NRXN1: variants seen among roughly 807,000 people sequenced by gnomAD.
The protein encoded by NRXN1 is neurexin 1.
A neutral mutation model predicts 150.9 loss-of-function variants in NRXN1; 39 were observed. The observed-to-expected ratio is 0.26, with a 90% CI of 0.20 to 0.34. The LOEUF (loss-of-function observed/expected upper bound fraction) is 0.34. Among genes scored for constraint, NRXN1 ranks in the 10% least tolerant of loss-of-function variants. The pLI is 1.00. For missense variants in NRXN1, 1,815 were observed against 1,949.9 expected, an observed-to-expected ratio of 0.93 and a Z score of 1.30; for synonymous variants, 924 against 757.0, an observed-to-expected ratio of 1.22 and a Z score of -3.62.
chr2:50,241,069 T>A (rs1213577682), intron 17 of NRXN1, among the ~76,000 whole-genome samples: 1 of 151,690 alleles, frequency 6.6e-6, no homozygotes, highest in Admixed American at 6.6e-5. Context: ...TTAGGACTTT[T>A]ATGTAAACTC....
intron 17 of NRXN1, among the ~76,000 whole-genome samples, chr2:50,439,520 A>C (rs1022694439): frequency 1.3e-5 from 2 of 152,246 alleles, no homozygotes; most frequent in South Asian, 4.1e-4. Flanking sequence ...GAAAGTTCTA[A>C]AAAAGGCCGG....
At chr2:50,798,020 T>TTGTA (rs1707089271) in intron 5 of NRXN1, among the ~76,000 whole-genome samples, 1 of 152,130 alleles carries the variant, frequency 6.6e-6, no homozygotes, top group South Asian at 2.1e-4. Context: ...CTGGTAGAAA[T>TTGTA]TGTATGCTAA....
intron 2 of NRXN1, among the ~76,000 whole-genome samples, chr2:51,004,730 T>C (rs904428556): frequency 2.6e-5 from 4 of 151,882 alleles, no homozygotes; most frequent in African/African-American, 9.7e-5. Context: ...CACCTATAAA[T>C]GTTATGCAAA....
chr2:50,156,496 G>A (rs982620624), intron 18 of NRXN1, among the ~76,000 whole-genome samples: 1 of 151,782 alleles, frequency 6.6e-6, no homozygotes, highest in East Asian at 1.9e-4. Flanking sequence ...TATCTTACGG[G>A]TTACCTCAAT....
At position 49,921,736 on chromosome 2, in the gene NRXN1, G is replaced by A; in HGVS notation, c.*208C>T. 1.8e-6 allele frequency: 1 copy of A among 571,076 alleles called. No homozygotes were observed. The highest frequency in any genetic ancestry group is 3.1e-6 in the Non-Finnish European group (1 of 327,760). The allele number at this position is 571,076 out of a possible 1,614,324, so 35.4% of individuals were successfully genotyped here. On this transcript the variant is annotated 3_prime_UTR_variant, in exon 23 of 23. Transcript: ENST00000401669. ...ACTGTGGATGTTAGGGAATTTATTG[G>A]CCCCTGTTTTTTGTTTTTTGTTTTT...
chr2:50,457,448 C>A (rs1199427679), intron 17 of NRXN1, among the ~76,000 whole-genome samples: 1 of 151,946 alleles, frequency 6.6e-6, no homozygotes, highest in African/African-American at 2.4e-5. Flanking sequence ...TCTGTTTGTG[C>A]CAACTACTAA....
At chr2:50,897,369 T>A (rs1313528216) in intron 5 of NRXN1, among the ~76,000 whole-genome samples, 2 of 152,194 alleles carry the variant, frequency 1.3e-5, no homozygotes. Context: ...GTATCAGTGA[T>A]ACCAGGACCA....
chr2:50,595,575 T>C (rs1461866572), intron 8 of NRXN1, among the ~76,000 whole-genome samples: 2 of 152,116 alleles, frequency 1.3e-5, no homozygotes, highest in Admixed American at 1.3e-4. Context: ...TTTGAGGCTA[T>C]GAGTGTGGCA....
intron 17 of NRXN1, among the ~76,000 whole-genome samples, chr2:50,246,831 T>A (rs1339937324): frequency 6.6e-6 from 1 of 152,100 alleles, no homozygotes; most frequent in Non-Finnish European, 1.5e-5. Flanking sequence ...TGAACTATTA[T>A]AATATATGAG....
intron 2 of NRXN1, among the ~76,000 whole-genome samples, chr2:50,936,160 T>C (rs1469541687): frequency 2.6e-5 from 4 of 152,138 alleles, no homozygotes; most frequent in Non-Finnish European, 4.4e-5. Context: ...GGAAAGATGA[T>C]TTCCAAAAGA....
intron 21 of NRXN1, among the ~76,000 whole-genome samples, chr2:49,962,623 G>T (rs1045615846): frequency 2.0e-5 from 3 of 152,116 alleles, no homozygotes; most frequent in African/African-American, 7.2e-5. Context: ...ATGATGGAGA[G>T]TAACACAAGG....
At chr2:50,494,087 A>G (rs1012425870) in intron 15 of NRXN1, among the ~76,000 whole-genome samples, 1 of 152,206 alleles carries the variant, frequency 6.6e-6, no homozygotes, top group African/African-American at 2.4e-5. Flanking sequence ...TCCATTTGTT[A>G]ATGAAAAATA....
At chr2:50,571,140 G>C (rs1670603512) in intron 8 of NRXN1, among the ~76,000 whole-genome samples, 1 of 152,138 alleles carries the variant, frequency 6.6e-6, no homozygotes, top group Non-Finnish European at 1.5e-5. Flanking sequence ...TCTGTTTCTT[G>C]GAGAGTCTAG....
At position 50,610,756 on chromosome 2, in the gene NRXN1, A is replaced by T. The variant is rs546612662; in HGVS notation, c.1320+9266T>A. Among the ~76,000 whole-genome samples the T allele has an allele frequency of 8.0e-4, 98 of 122,676 alleles. 3 individuals carry two copies. In the South Asian group the frequency reaches 0.011, roughly 14 times the overall value. The allele number at this position is 122,676 out of a possible 152,430, so 80.5% of individuals were successfully genotyped here. ...TAGAACATAGCTTGTAATTATATTTATATATATATATATATGTATATATAT... is the reference window on the plus strand; with the variant it reads ...TAGAACATAGCTTGTAATTATATTTTTATATATATATATATGTATATATAT... On this transcript the variant is annotated intron_variant, in intron 8 of 22. Transcript: ENST00000401669.
rs189840285 is a variant in NRXN1, at chr2:50,555,257, T to C, written c.1321-2232A>G. On this transcript the variant is annotated intron_variant, in intron 8 of 22. Transcript: ENST00000401669. ...ACACTCATTCTTATAATAGAACCAC[T>C]GTAAAAGAATTGAGTGTTTCTGACA... is the stretch of plus-strand genomic sequence containing the variant. 6.9e-3 allele frequency among the ~76,000 whole-genome samples: 1,044 copies of C among 152,278 alleles called. 20 individuals carry two copies. The highest frequency in any genetic ancestry group is 9.9e-3 in the Non-Finnish European group (672 of 67,986).
At chr2:50,730,876 C>T (rs1263304607) in intron 5 of NRXN1, among the ~76,000 whole-genome samples, 1 of 151,834 alleles carries the variant, frequency 6.6e-6, no homozygotes, top group African/African-American at 2.4e-5. Flanking sequence ...GGTTTCACCG[C>T]GTTAGCCAGG....
In NRXN1 at chr2:50,799,271, C is replaced by T. The variant is rs9752203; in HGVS notation, c.832+122598G>A. ...TATTAAGTTTCACCTAAATCTTTCA[C>T]TATGTTTGGATTCCAGTACAAAGTA... On this transcript the variant is annotated intron_variant, in intron 5 of 22. Transcript: ENST00000401669. Among the ~76,000 whole-genome samples, 1,404 of 152,220 alleles carry T rather than the reference C, an allele frequency of 9.2e-3. 26 individuals carry two copies. Among genetic ancestry groups the T allele is most frequent in the African/African-American group, 0.032 (1,344 of 41,526 alleles).
In NRXN1 at chr2:50,730,621, C is replaced by A. The variant is rs576734823; in HGVS notation, c.833-107006G>T. ...ATGTATTGGTCTATAATTATGTCTT[C>A]ATTTTTTCGTCCACTTTGACTACAA... is the stretch of plus-strand genomic sequence containing the variant. On this transcript the variant is annotated intron_variant, in intron 5 of 22. Coordinates refer to ENST00000401669, the MANE Select transcript of NRXN1 (RefSeq NM_001330078.2). Among the ~76,000 whole-genome samples, 5 of 150,204 alleles carry A rather than the reference C, an allele frequency of 3.3e-5. No homozygotes were observed. The East Asian group carries it at 9.8e-4, about 29-fold the overall frequency.
chr2:50,051,443 G>T (rs1014985192), intron 21 of NRXN1, among the ~76,000 whole-genome samples: 1 of 151,884 alleles, frequency 6.6e-6, no homozygotes, highest in African/African-American at 2.4e-5. Flanking sequence ...AACTCTGAAT[G>T]TCCTCTTGTG....
Sources: gnomAD v4.1 joint callset for allele counts (sites outside exome capture counted in the v4.1 genomes callset) on GRCh38, gnomAD v4.1.1 for gene constraint, MANE v1.5 for transcripts, NCBI Gene and HGNC (gene_info 2026-07-23, HGNC 2026-07-21) for gene names.